The following DHRSX variants were observed in gnomAD, a reference collection of about 807,000 sequenced individuals.
DHRSX encodes the protein polyprenol dehydrogenase.
DHRSX carries 31 observed loss-of-function variants against 34.0 expected under a neutral mutation model. The observed-to-expected ratio is 0.91, with a 90% CI of 0.69 to 1.23. The LOEUF (loss-of-function observed/expected upper bound fraction) is 1.23. DHRSX is among the 50% of genes most tolerant of loss of function. The pLI is 0.00. For synonymous variants in DHRSX, 201 were observed against 183.8 expected (o/e 1.09, Z -0.76); for missense variants, 414 against 428.1 (o/e 0.97, Z 0.29).
At chrX:2,487,999 C>T (rs945154174) in intron 1 of DHRSX, 1 of 151,854 alleles carries the variant, frequency 6.6e-6, no homozygotes, top group African/African-American at 2.4e-5. Context: ...CTTCTAAACC[C>T]TCCCAGGGAG....
chrX:2,430,529 A>C (rs2043905444), intron 1 of DHRSX, among the ~76,000 whole-genome samples: 1 of 152,036 alleles, frequency 6.6e-6, no homozygotes, highest in Non-Finnish European at 1.5e-5. Context: ...ACTCGGCATG[A>C]CCAGAGAACT....
intron 5 of DHRSX, among the ~76,000 whole-genome samples, chrX:2,262,389 C>T (rs2041375556): frequency 6.6e-6 from 1 of 152,084 alleles, no homozygotes; most frequent in Non-Finnish European, 1.5e-5. Flanking sequence ...AGCACTCACG[C>T]ACCTTATCTG....
chrX:2,252,847 C>T (rs1318453688), intron 5 of DHRSX, among the ~76,000 whole-genome samples: 2 of 152,104 alleles, frequency 1.3e-5, no homozygotes, highest in Non-Finnish European at 2.9e-5. Flanking sequence ...GGAGGAAATG[C>T]CCATTAAGGT....
chrX:2,317,460 C>T (rs1489094543), intron 3 of DHRSX, among the ~76,000 whole-genome samples: 1 of 151,224 alleles, frequency 6.6e-6, no homozygotes, highest in African/African-American at 2.4e-5. Context: ...GCCATGTTGG[C>T]AGGCTGGTCT....
At chrX:2,266,681 G>T in intron 5 of DHRSX, 59 bp downstream of exon 5, 1 of 1,521,912 alleles carries the variant, frequency 6.6e-7, no homozygotes, top group African/African-American at 1.4e-5. Context: ...GACAGAGGGA[G>T]ATGAATAACC....
intron 4 of DHRSX, among the ~76,000 whole-genome samples, chrX:2,288,653 G>A (rs1391282846): frequency 2.6e-5 from 4 of 152,182 alleles, no homozygotes; most frequent in Non-Finnish European, 5.9e-5. Flanking sequence ...ATTTCACACT[G>A]GACTTACTGG....
chrX:2,414,922 C>T (rs2043674995), intron 2 of DHRSX, among the ~76,000 whole-genome samples: 1 of 151,290 alleles, frequency 6.6e-6, no homozygotes, highest in Non-Finnish European at 1.5e-5. Context: ...CATGACCTAA[C>T]CAAACTGGAC....
intron 6 of DHRSX, among the ~76,000 whole-genome samples, chrX:2,238,331 T>A (rs112336062): frequency 1.3e-5 from 2 of 152,062 alleles, no homozygotes; most frequent in Admixed American, 1.3e-4. Context: ...CACTCCAGCC[T>A]GGGTGACAGG....
intron 1 of DHRSX, among the ~76,000 whole-genome samples, chrX:2,485,809 AG>A (rs1213201711): frequency 1.5e-5 from 1 of 68,740 alleles, no homozygotes; most frequent in African/African-American, 5.8e-5. Flanking sequence ...GAAGGAAGGA[AG>A]GGAGAGAAGG....
rs756513293 is a variant in DHRSX, at chrX:2,328,908, T to G, written c.287-37305A>C. ...GAAGAGTGTTCTGTATGTTACACTG[T>G]GGGGAGGTTTTCCTCAAAGCATTAG... On this transcript the variant is annotated intron_variant, in intron 3 of 6. Transcript: ENST00000334651. 2.0e-5 allele frequency among the ~76,000 whole-genome samples: 3 copies of G among 152,170 alleles called. No homozygotes were observed. The East Asian group carries it at 5.8e-4, about 29-fold the overall frequency.
intron 5 of DHRSX, among the ~76,000 whole-genome samples, chrX:2,244,275 G>A (rs184199130): frequency 9.7e-4 from 145 of 149,530 alleles, no homozygotes; most frequent in African/African-American, 3.3e-3. Flanking sequence ...AAATCGATCC[G>A]ATAACCGCGG....
chrX:2,486,458 A>G (rs2044931872), intron 1 of DHRSX: 1 of 152,242 alleles, frequency 6.6e-6, no homozygotes, highest in Admixed American at 6.5e-5. Flanking sequence ...TTTATTGAAC[A>G]ACAGTCCAAC....
intron 1 of DHRSX, among the ~76,000 whole-genome samples, chrX:2,430,448 T>C: frequency 6.6e-6 from 1 of 152,106 alleles, no homozygotes; most frequent in African/African-American, 2.4e-5. Context: ...AGCCACCCGG[T>C]GCCTCTGCAG....
At chrX:2,485,201 C>G (rs1216146885) in intron 1 of DHRSX, among the ~76,000 whole-genome samples, 2 of 152,122 alleles carry the variant, frequency 1.3e-5, no homozygotes, top group African/African-American at 4.8e-5. Flanking sequence ...GGAAATGTCT[C>G]TGTAAGAAAC....
intron 5 of DHRSX, among the ~76,000 whole-genome samples, chrX:2,248,628 A>AAAAAAAAAAAAAAAAG (rs1556433590): frequency 1.9e-5 from 2 of 104,282 alleles, no homozygotes; most frequent in African/African-American, 9.0e-5. Flanking sequence ...AAAAAAAAAG[A>AAAAAAAAAAAAAAAAG]AAAAGAAAAG....
chrX:2,226,946 T>A (rs928944821), intron 6 of DHRSX, among the ~76,000 whole-genome samples: 33 of 144,934 alleles, frequency 2.3e-4, no homozygotes, highest in Admixed American at 2.0e-3. Context: ...CTCTGGGACC[T>A]GTCTCAGAGC....
intron 1 of DHRSX, among the ~76,000 whole-genome samples, chrX:2,442,871 G>A (rs1285199046): frequency 6.6e-6 from 1 of 152,142 alleles, no homozygotes; most frequent in Non-Finnish European, 1.5e-5. Context: ...AGGAAACACA[G>A]CTTAAGGAAT....
chrX:2,231,903 CTTA>C (rs1012333799), intron 6 of DHRSX, among the ~76,000 whole-genome samples: 7 of 150,138 alleles, frequency 4.7e-5, no homozygotes, highest in African/African-American at 1.7e-4. Flanking sequence ...TCCTCTTTCT[CTTA>C]TCTTCTTCTT....
intron 2 of DHRSX, among the ~76,000 whole-genome samples, chrX:2,410,064 G>C (rs950754227): frequency 9.9e-5 from 15 of 152,092 alleles, no homozygotes; most frequent in Non-Finnish European, 1.6e-4. Flanking sequence ...GTGAACATGC[G>C]TTGAACAGGA....
Sources: gnomAD v4.1 joint callset for allele counts (sites outside exome capture counted in the v4.1 genomes callset) on GRCh38, gnomAD v4.1.1 for gene constraint, MANE v1.5 for transcripts, NCBI Gene and HGNC (gene_info 2026-07-23, HGNC 2026-07-21) for gene names.